The following PTPRZ1 variants were observed in gnomAD, a reference collection of about 807,000 sequenced individuals.
PTPRZ1 encodes the protein protein tyrosine phosphatase receptor type Z1.
PTPRZ1 carries 82 observed loss-of-function variants against 214.1 expected under a neutral mutation model. The ratio of observed to expected loss-of-function variants is 0.38; its 90% confidence interval spans 0.32 to 0.46. PTPRZ1 has a LOEUF of 0.46. Ranked by LOEUF, PTPRZ1 falls within the 20% of genes least tolerant of loss-of-function variation. PTPRZ1 has a pLI of 1.00. For synonymous variants in PTPRZ1, 945 were observed against 987.9 expected, an observed-to-expected ratio of 0.96 and a Z score of 0.81; for missense variants, 2,603 against 2,748.7, an observed-to-expected ratio of 0.95 and a Z score of 1.19.
intron 1 of PTPRZ1, among the ~76,000 whole-genome samples, chr7:121,901,614 C>G (rs909406840): frequency 2.0e-5 from 3 of 151,994 alleles, no homozygotes; most frequent in Admixed American, 2.0e-4. Context: ...AATTACTTGG[C>G]CTTTGATGCT....
chr7:122,055,672 T>C (rs1301030388), intron 27 of PTPRZ1, among the ~76,000 whole-genome samples: 1 of 152,038 alleles, frequency 6.6e-6, no homozygotes, highest in South Asian at 2.1e-4. Context: ...TACATTGTTT[T>C]ACTAAACTTA....
chr7:122,040,758 G>A lies in PTPRZ1; in HGVS notation c.5638-58G>A, dbSNP rs570859088. On this transcript the variant is annotated intron_variant, in intron 20 of 29. Coordinates refer to ENST00000393386, the MANE Select transcript of PTPRZ1 (RefSeq NM_002851.3). The stretch of plus-strand genomic sequence containing the variant: ...TGTGTGTGTGTGTGTGTGTGTGTGT[G>A]TGTGTGTGTGTGTGTGTGTGTGTGT... 3.6e-3 allele frequency: 3,137 copies of A among 869,834 alleles called. 13 individuals are homozygous for A. Among genetic ancestry groups the A allele is most frequent in the Non-Finnish European group, 4.1e-3 (2,404 of 589,982 alleles). The allele number at this position is 869,834 out of a possible 1,614,324, so 53.9% of individuals were successfully genotyped here. A position where few individuals can be genotyped will look rare whatever the true frequency, so the allele number is the denominator to read the frequency against.
chr7:122,046,094 C>T (rs550975990), intron 23 of PTPRZ1, among the ~76,000 whole-genome samples: 8 of 152,192 alleles, frequency 5.3e-5, no homozygotes, highest in African/African-American at 9.6e-5. Flanking sequence ...GCACACCCAG[C>T]TCCTAGTCTT....
chr7:122,022,923 C>A (rs925652598), intron 13 of PTPRZ1, among the ~76,000 whole-genome samples: 1 of 152,104 alleles, frequency 6.6e-6, no homozygotes, highest in Non-Finnish European at 1.5e-5. Context: ...CTTATGTTTA[C>A]GATCAGTGGA....
At chr7:121,925,762 ATTTAAG>A (rs1321798829) in intron 1 of PTPRZ1, among the ~76,000 whole-genome samples, 3 of 152,184 alleles carry the variant, frequency 2.0e-5, no homozygotes, top group Non-Finnish European at 4.4e-5. Context: ...ATCTAAATAA[ATTTAAG>A]TTTATCTAAA....
chr7:121,962,374 G>A (rs1196866035), intron 2 of PTPRZ1, among the ~76,000 whole-genome samples: 1 of 151,586 alleles, frequency 6.6e-6, no homozygotes, highest in Non-Finnish European at 1.5e-5. Flanking sequence ...CTTGAACCCA[G>A]GAGGCAGAGG....
intron 15 of PTPRZ1, chr7:122,032,063 A>G (rs896284361): frequency 1.3e-5 from 2 of 152,172 alleles, no homozygotes; most frequent in Non-Finnish European, 2.9e-5. Flanking sequence ...TTGAACTTCA[A>G]AATCAGTAAG....
chr7:121,975,244 G>A (rs533804225), intron 4 of PTPRZ1, among the ~76,000 whole-genome samples: 1 of 152,154 alleles, frequency 6.6e-6, no homozygotes, highest in East Asian at 1.9e-4. Flanking sequence ...TGGGAGGTCA[G>A]AAAAAAGTTT....
intron 2 of PTPRZ1, among the ~76,000 whole-genome samples, chr7:121,954,541 G>A (rs1796650394): frequency 1.3e-5 from 2 of 152,038 alleles, no homozygotes; most frequent in Admixed American, 1.3e-4. Flanking sequence ...TCCCATCTGG[G>A]TTAGGTATCT....
chr7:121,916,831 G>A (rs908109648), intron 1 of PTPRZ1, among the ~76,000 whole-genome samples: 1 of 152,306 alleles, frequency 6.6e-6, no homozygotes, highest in South Asian at 2.1e-4. Flanking sequence ...GTGATTGGTG[G>A]TTGAAGTGAA....
Position 122,012,420 on chromosome 7 carries a change from T to C in PTPRZ1, c.3374T>C (p.Val1125Ala). ...ISQVPENNFS[V>A]QPTHTVSQAS... ...CAAGTTCCAGAAAATAACTTTTCAG[T>C]TCAACCTACACATACTGTCTCTCAA... The change falls in exon 12 of 30, where the codon GTT becomes GCT. Residue 1125 changes from valine to alanine, a missense_variant. Physicochemically the swap from Val to Ala is moderately conservative, Grantham distance 64. Around this residue, in one of 6 missense-constraint regions of PTPRZ1, gnomAD observed 1,913 missense variants for 1,914.3 expected, o/e 1.00. Transcript: ENST00000393386. 1 of 1,613,880 alleles carries C rather than the reference T, an allele frequency of 6.2e-7. No individual in the cohort carries two copies. Among genetic ancestry groups the C allele is most frequent in the Non-Finnish European group, 8.5e-7 (1 of 1,179,858 alleles).
At chr7:121,980,151 C>T (rs1797560653) in intron 6 of PTPRZ1, among the ~76,000 whole-genome samples, 1 of 152,160 alleles carries the variant, frequency 6.6e-6, no homozygotes, top group African/African-American at 2.4e-5. Flanking sequence ...CTCTGCTTTC[C>T]CTTCCGGGCC....
intron 17 of PTPRZ1, among the ~76,000 whole-genome samples, chr7:122,036,359 G>C (rs971421965): frequency 1.3e-5 from 2 of 152,104 alleles, no homozygotes; most frequent in South Asian, 4.1e-4. Flanking sequence ...CCTCTCACTT[G>C]ACACCTGTGT....
chr7:122,049,677 G>A (rs2150487210), intron 23 of PTPRZ1, among the ~76,000 whole-genome samples: 1 of 152,114 alleles, frequency 6.6e-6, no homozygotes, highest in South Asian at 2.1e-4. Context: ...ATATAATGTT[G>A]ATACATGGAA....
intron 10 of PTPRZ1, among the ~76,000 whole-genome samples, chr7:121,999,440 A>G (rs1485085372): frequency 1.3e-5 from 2 of 152,172 alleles, no homozygotes; most frequent in Non-Finnish European, 2.9e-5. Flanking sequence ...TGACACCTTT[A>G]GCCATACAAC....
chr7:121,943,006 G>T (rs1050968275), intron 2 of PTPRZ1, among the ~76,000 whole-genome samples: 3 of 152,118 alleles, frequency 2.0e-5, no homozygotes, highest in Non-Finnish European at 4.4e-5. Flanking sequence ...AAGATTGTAT[G>T]TTACAGGTTC....
intron 22 of PTPRZ1, 118 bp from the exon 23 acceptor site, chr7:122,044,304 G>A: frequency 8.5e-7 from 1 of 1,178,540 alleles, no homozygotes; most frequent in Non-Finnish European, 1.2e-6. Context: ...AATCTTGTGT[G>A]GGTCTTCCCC....
chr7:122,037,198 C>T (rs1799574137), intron 18 of PTPRZ1, among the ~76,000 whole-genome samples: 1 of 151,726 alleles, frequency 6.6e-6, no homozygotes, highest in African/African-American at 2.4e-5. Context: ...TGGCGTGAAC[C>T]CGGGAGGCAG....
intron 2 of PTPRZ1, 134 bp downstream of exon 2, chr7:121,928,355 T>C (rs1201539163): frequency 7.1e-6 from 4 of 567,046 alleles, no homozygotes; most frequent in East Asian, 6.2e-5. Context: ...GATTAATTAA[T>C]AGATATATAA....
Sources: allele counts gnomAD v4.1 joint callset (sites outside exome capture counted in the v4.1 genomes callset), GRCh38; gene constraint gnomAD v4.1.1; regional missense constraint gnomAD v4.1.1; transcripts MANE v1.5; gene names NCBI Gene and HGNC (gene_info 2026-07-23, HGNC 2026-07-21).